Variants in MEGF6 observed in about 807,000 individuals in gnomAD.
MEGF6 encodes the protein multiple EGF like domains 6.
Under a neutral mutation model 207.1 loss-of-function variants are expected in MEGF6, and 184 were observed. The observed-to-expected ratio is 0.89, with a 90% CI of 0.79 to 1.00. The LOEUF is 1.00. Among genes scored for constraint, MEGF6 ranks in the 50% least tolerant of loss-of-function variants. The probability of loss-of-function intolerance (pLI) is 0.00; values close to 1 mark genes in which losing one functional copy is unlikely to be tolerated. For synonymous variants in MEGF6, 1,038 were observed against 910.0 expected, an observed-to-expected ratio of 1.14 and a Z score of -2.53; for missense variants, 2,282 against 2,202.9, an observed-to-expected ratio of 1.04 and a Z score of -0.72.
intron 12 of MEGF6, among the ~76,000 whole-genome samples, 162 bp downstream of exon 12, chr1:3,508,913 A>G (rs1308607119): frequency 6.6e-6 from 1 of 152,166 alleles, no homozygotes; most frequent in African/African-American, 2.4e-5. Flanking sequence ...GAGCTGCGCA[A>G]ACTGAGCCAG....
At chr1:3,533,366 T>C (rs1642233175) in intron 4 of MEGF6, among the ~76,000 whole-genome samples, 1 of 152,232 alleles carries the variant, frequency 6.6e-6, no homozygotes, top group African/African-American at 2.4e-5. Context: ...GCCCTTGCCA[T>C]GAGGAGCCTC....
intron 4 of MEGF6, among the ~76,000 whole-genome samples, chr1:3,571,730 G>A (rs571897741): frequency 6.9e-5 from 8 of 116,154 alleles, no homozygotes; most frequent in East Asian, 6.7e-4. Context: ...GGGTCCTTGC[G>A]GGTGCACTGG....
At chr1:3,581,554 G>A (rs1157826994) in intron 3 of MEGF6, among the ~76,000 whole-genome samples, 1 of 152,222 alleles carries the variant, frequency 6.6e-6, no homozygotes, top group South Asian at 2.1e-4. Flanking sequence ...CAAGTGTTGA[G>A]GCCTGATGCC....
chr1:3,496,050 C>A, intron 29 of MEGF6, 32 bp from the exon 30 acceptor site: 1 of 1,484,808 alleles, frequency 6.7e-7, no homozygotes, highest in South Asian at 1.3e-5. Context: ...TCGTGGCTGG[C>A]TTCCCTTCTC....
In MEGF6 at chr1:3,497,697, A is replaced by AG. The variant is rs1241757444; in HGVS notation, c.3353-337dup. ...CCCCATGGAAGGCGAAGGAGCCGGGAGACAGCAGCCGGGGCTCAGCACTGA... is the reference window on the plus strand; with the variant it reads ...CCCCATGGAAGGCGAAGGAGCCGGGAGGACAGCAGCCGGGGCTCAGCACTGA... On this transcript the variant is annotated intron_variant, in intron 26 of 36. Transcript: ENST00000356575. The AG allele has an allele frequency of 7.1e-5, 34 of 480,440 alleles. No homozygotes were observed. In the Middle Eastern group the frequency reaches 1.3e-3, roughly 19 times the overall value. The allele number at this position is 480,440 out of a possible 1,614,324, so 29.8% of individuals were successfully genotyped here.
At chr1:3,543,662 A>G (rs976458147) in intron 4 of MEGF6, among the ~76,000 whole-genome samples, 5 of 152,210 alleles carry the variant, frequency 3.3e-5, no homozygotes, top group Admixed American at 6.5e-5. Flanking sequence ...CCTGGCCGAG[A>G]TGCCGTCTAG....
chr1:3,515,784 C>T (rs552104536), intron 5 of MEGF6, among the ~76,000 whole-genome samples: 1 of 152,350 alleles, frequency 6.6e-6, no homozygotes, highest in South Asian at 2.1e-4. Context: ...CCTCCGGCCC[C>T]GGCCTGATCG....
chr1:3,597,329 G>T (rs570014984), intron 2 of MEGF6, among the ~76,000 whole-genome samples: 1 of 151,990 alleles, frequency 6.6e-6, no homozygotes, highest in Non-Finnish European at 1.5e-5. Context: ...CCGCCCTGAC[G>T]CCTGGGTCCT....
intron 5 of MEGF6, among the ~76,000 whole-genome samples, chr1:3,521,353 A>T (rs1242118141): frequency 6.6e-6 from 1 of 152,140 alleles, no homozygotes; most frequent in Non-Finnish European, 1.5e-5. Flanking sequence ...ATCCAGCCCT[A>T]TCCCCATCAA....
chr1:3,547,933 G>C (rs1642767286), intron 4 of MEGF6, among the ~76,000 whole-genome samples: 1 of 152,202 alleles, frequency 6.6e-6, no homozygotes, highest in African/African-American at 2.4e-5. Context: ...CCTGCCTTGA[G>C]AAGGTGTGGG....
intron 26 of MEGF6, 55 bp from the exon 27 acceptor site, chr1:3,497,416 G>A: frequency 6.8e-7 from 1 of 1,472,134 alleles, no homozygotes; most frequent in Non-Finnish European, 9.0e-7. Context: ...GGGGATCTGT[G>A]GGCCAGGACA....
chr1:3,596,456 A>G, intron 2 of MEGF6, among the ~76,000 whole-genome samples: 1 of 43,882 alleles, frequency 2.3e-5, no homozygotes, highest in South Asian at 8.3e-4. Context: ...ATCCCCTGCC[A>G]AGCCCCCATC....
chr1:3,509,674 G>T (rs1335034410), intron 11 of MEGF6, among the ~76,000 whole-genome samples, 196 bp downstream of exon 11: 1 of 152,182 alleles, frequency 6.6e-6, no homozygotes, highest in Non-Finnish European at 1.5e-5. Context: ...CCCCCACACG[G>T]CCCTCAGAAG....
intron 3 of MEGF6, among the ~76,000 whole-genome samples, chr1:3,581,659 C>T (rs1643800541): frequency 6.6e-6 from 1 of 152,162 alleles, no homozygotes; most frequent in Non-Finnish European, 1.5e-5. Context: ...ACCTCTAGCC[C>T]CAAATAGCCA....
intron 4 of MEGF6, among the ~76,000 whole-genome samples, chr1:3,538,695 C>CGTGT (rs1330145759): frequency 2.1e-5 from 2 of 95,466 alleles, no homozygotes; most frequent in African/African-American, 9.4e-5. Context: ...AGAGCATGTG[C>CGTGT]CTGTGTGTGT....
At chr1:3,496,811 G>A (rs1309512288) in intron 28 of MEGF6, 28 bp from the exon 29 acceptor site, 3 of 1,547,370 alleles carry the variant, frequency 1.9e-6, no homozygotes, top group East Asian at 4.9e-5. Context: ...AGCTGCAGGG[G>A]CTGGGGCTGG....
intron 1 of MEGF6, among the ~76,000 whole-genome samples, chr1:3,608,975 A>G (rs1644290177): frequency 6.6e-6 from 1 of 152,316 alleles, no homozygotes; most frequent in South Asian, 2.1e-4. Context: ...AGCGTCTCCT[A>G]GAGGCCCCGG....
At chr1:3,584,290 G>A (rs1318330649) in intron 3 of MEGF6, among the ~76,000 whole-genome samples, 6 of 152,352 alleles carry the variant, frequency 3.9e-5, no homozygotes, top group African/African-American at 1.4e-4. Context: ...ACTGTGGAAA[G>A]GGGACTGGAT....
At chr1:3,574,504 C>G (rs1172654972) in intron 4 of MEGF6, among the ~76,000 whole-genome samples, 1 of 143,456 alleles carries the variant, frequency 7.0e-6, no homozygotes. Flanking sequence ...CTCACCTGGA[C>G]CCAGGAGTGA....
Sources: allele counts gnomAD v4.1 joint callset (sites outside exome capture counted in the v4.1 genomes callset), GRCh38; gene constraint gnomAD v4.1.1; transcripts MANE v1.5; gene names NCBI Gene and HGNC (gene_info 2026-07-23, HGNC 2026-07-21).